The following OPCML variants were observed in gnomAD, a reference collection of about 807,000 sequenced individuals.
OPCML encodes opioid-binding protein/cell adhesion molecule.
OPCML carries 13 observed loss-of-function variants against 37.8 expected under a neutral mutation model. The observed-to-expected ratio is 0.34, with a 90% CI of 0.22 to 0.55. The LOEUF is 0.55. OPCML is among the 20% of genes least tolerant of loss of function. OPCML has a pLI of 0.91. For missense variants in OPCML, 341 were observed against 435.6 expected (o/e 0.78, Z 1.93); for synonymous variants, 176 against 168.8 (o/e 1.04, Z -0.33).
At chr11:133,297,705 G>T (rs1173283314) in intron 1 of OPCML, 1 of 152,184 alleles carries the variant, frequency 6.6e-6, no homozygotes, top group Non-Finnish European at 1.5e-5. Context: ...AGCCAGGAAT[G>T]GCAGCATTTT....
intron 3 of OPCML, among the ~76,000 whole-genome samples, chr11:132,651,867 T>C (rs1259591308): frequency 6.6e-6 from 1 of 152,184 alleles, no homozygotes; most frequent in East Asian, 1.9e-4. Context: ...TTGCATAAAA[T>C]TGGGCTTAGC....
intron 4 of OPCML, among the ~76,000 whole-genome samples, chr11:132,480,790 A>G (rs966458543): frequency 2.8e-4 from 43 of 152,192 alleles, no homozygotes; most frequent in Non-Finnish European, 1.6e-4. Context: ...GTGAAGGACA[A>G]ATAAAATACT....
intron 1 of OPCML, among the ~76,000 whole-genome samples, chr11:133,020,147 A>G (rs1359796642): frequency 4.6e-5 from 7 of 152,194 alleles, no homozygotes; most frequent in Non-Finnish European, 1.0e-4. Context: ...CTCGCCTGTA[A>G]TCAGTCAAAA....
intron 2 of OPCML, among the ~76,000 whole-genome samples, chr11:132,699,872 G>A (rs1047373600): frequency 6.6e-6 from 1 of 151,984 alleles, no homozygotes; most frequent in African/African-American, 2.4e-5. Context: ...AAACTAGTTT[G>A]GAATTATTCC....
intron 1 of OPCML, among the ~76,000 whole-genome samples, chr11:133,171,204 G>T (rs148125654): frequency 6.6e-6 from 1 of 152,208 alleles, no homozygotes; most frequent in Non-Finnish European, 1.5e-5. Flanking sequence ...CAATTCTGTG[G>T]CTGCAAAAGC....
At chr11:132,949,243 A>G (rs974231019) in intron 1 of OPCML, among the ~76,000 whole-genome samples, 4 of 152,258 alleles carry the variant, frequency 2.6e-5, no homozygotes, top group African/African-American at 9.6e-5. Context: ...TAATCACATT[A>G]TTGCATTTCA....
chr11:132,525,682 C>T (rs1332987042), intron 4 of OPCML: 1 of 149,070 alleles, frequency 6.7e-6, no homozygotes, highest in Non-Finnish European at 1.5e-5. Context: ...CTTACAAATA[C>T]TTCATGTTCC....
chr11:133,124,468 A>G (rs1949469420), intron 1 of OPCML, among the ~76,000 whole-genome samples: 1 of 152,098 alleles, frequency 6.6e-6, no homozygotes, highest in African/African-American at 2.4e-5. Flanking sequence ...AGTCAATGCA[A>G]CCTCAACTGG....
At chr11:132,947,747 A>G (rs749454227) in intron 1 of OPCML, among the ~76,000 whole-genome samples, 12 of 152,262 alleles carry the variant, frequency 7.9e-5, no homozygotes, top group Non-Finnish European at 1.3e-4. Context: ...GGTGGCCCCT[A>G]GTGAAACCCT....
intron 1 of OPCML, among the ~76,000 whole-genome samples, chr11:133,501,585 G>A (rs1258029114): frequency 6.6e-6 from 1 of 152,100 alleles, no homozygotes; most frequent in African/African-American, 2.4e-5. Flanking sequence ...ATCAAATAAA[G>A]CTACACCTTC....
intron 2 of OPCML, among the ~76,000 whole-genome samples, chr11:132,665,436 C>A (rs2135798870): frequency 6.6e-6 from 1 of 152,274 alleles, no homozygotes; most frequent in Middle Eastern, 3.4e-3. Context: ...GGCAACTGTG[C>A]TGACGGCAGC....
At chr11:132,474,481 G>T (rs1211500716) in intron 4 of OPCML, among the ~76,000 whole-genome samples, 1 of 151,574 alleles carries the variant, frequency 6.6e-6, no homozygotes, top group Non-Finnish European at 1.5e-5. Context: ...GCTGGCCCCA[G>T]ATGTGATAGG....
intron 1 of OPCML, among the ~76,000 whole-genome samples, chr11:133,440,116 C>T (rs1024835547): frequency 2.0e-5 from 3 of 151,990 alleles, no homozygotes; most frequent in African/African-American, 2.4e-5. Flanking sequence ...GAAACCAGGC[C>T]GGGCATAGTG....
rs549241418 is a variant in OPCML at position 132,495,264 on chromosome 11, G to T, written c.505+33797C>A. Reference sequence around the variant, plus strand: ...ATTGAATAAGAGTGACAAGGGCAATGACATTTATACTGAAAACTGTAATAA... The same window carrying T: ...ATTGAATAAGAGTGACAAGGGCAATTACATTTATACTGAAAACTGTAATAA... On this transcript the variant is annotated intron_variant, in intron 4 of 7. Coordinates refer to ENST00000524381, the MANE Select transcript of OPCML (RefSeq NM_001012393.5). 9.2e-5 allele frequency among the ~76,000 whole-genome samples: 14 copies of T among 152,282 alleles called. 1 individual carries two copies. The South Asian group carries it at 2.9e-3, about 32-fold the overall frequency.
intron 1 of OPCML, among the ~76,000 whole-genome samples, chr11:133,017,820 A>G (rs1436020562): frequency 6.6e-6 from 1 of 152,246 alleles, no homozygotes; most frequent in East Asian, 1.9e-4. Flanking sequence ...AGTAACATAC[A>G]CACTCTAGGA....
At chr11:132,637,549 T>A (rs1453828511) in intron 3 of OPCML, among the ~76,000 whole-genome samples, 1 of 152,212 alleles carries the variant, frequency 6.6e-6, no homozygotes, top group Non-Finnish European at 1.5e-5. Flanking sequence ...CTATCTTTGA[T>A]GCTGAATTTT....
intron 2 of OPCML, among the ~76,000 whole-genome samples, chr11:132,668,252 A>C (rs1018335529): frequency 1.3e-5 from 2 of 152,210 alleles, no homozygotes; most frequent in African/African-American, 4.8e-5. Flanking sequence ...TGACAATATC[A>C]AGAATGATGA....
chr11:132,555,430 T>C (rs376626381), intron 3 of OPCML, among the ~76,000 whole-genome samples: 7 of 152,106 alleles, frequency 4.6e-5, no homozygotes, highest in African/African-American at 9.7e-5. Flanking sequence ...ATGAGACTTA[T>C]TCACTACCAC....
chr11:133,529,842 G>T (rs207472572), intron 1 of OPCML, among the ~76,000 whole-genome samples: 25 of 152,174 alleles, frequency 1.6e-4, no homozygotes, highest in Non-Finnish European at 2.9e-4. Context: ...AGGAGAAGTC[G>T]CAAGTAAGCC....
Sources: gnomAD v4.1 joint callset for allele counts (sites outside exome capture counted in the v4.1 genomes callset) on GRCh38, gnomAD v4.1.1 for gene constraint, MANE v1.5 for transcripts, NCBI Gene and HGNC (gene_info 2026-07-23, HGNC 2026-07-21) for gene names.